CFAP91: variants seen among roughly 807,000 people sequenced by gnomAD.
CFAP91 encodes cilia and flagella associated protein 91, also known as cilia- and flagella-associated protein 91.
Under a neutral mutation model 95.9 loss-of-function variants are expected in CFAP91, and 85 were observed. The observed-to-expected ratio is 0.89, with a 90% confidence interval of 0.74 to 1.06. The LOEUF (loss-of-function observed/expected upper bound fraction) is 1.06, where lower values mean the gene tolerates loss of function less well. Among genes scored for constraint, CFAP91 ranks in the 50% least tolerant of loss-of-function variants. CFAP91 has a pLI of 0.00. For synonymous variants in CFAP91, 335 were observed against 327.5 expected, an observed-to-expected ratio of 1.02 and a Z score of -0.25; for missense variants, 962 against 943.4, an observed-to-expected ratio of 1.02 and a Z score of -0.26.
intron 17 of CFAP91, among the ~76,000 whole-genome samples, chr3:119,759,160 A>G (rs1214166870): frequency 6.6e-6 from 1 of 152,060 alleles, no homozygotes; most frequent in Non-Finnish European, 1.5e-5. Flanking sequence ...AACACATGGA[A>G]GAATCTCACA....
At chr3:119,750,804 A>G in intron 16 of CFAP91, 133 bp from the exon 17 acceptor site, 1 of 916,468 alleles carries the variant, frequency 1.1e-6, no homozygotes, top group Non-Finnish European at 1.7e-6. Flanking sequence ...CAGAGGGAGC[A>G]GAAAGAAATT....
intron 8 of CFAP91, among the ~76,000 whole-genome samples, chr3:119,731,985 A>G (rs1348764894): frequency 6.6e-6 from 1 of 152,244 alleles, no homozygotes; most frequent in Admixed American, 6.5e-5. Flanking sequence ...CATTCATTTA[A>G]CAAACTTTTA....
intron 6 of CFAP91, among the ~76,000 whole-genome samples, chr3:119,720,540 T>G (rs1417812397): frequency 6.6e-6 from 1 of 151,600 alleles, no homozygotes; most frequent in Non-Finnish European, 1.5e-5. Context: ...GAAAAAAAAA[T>G]TCTTTTAAGA....
chr3:119,711,981 A>G (rs1196243074), intron 5 of CFAP91, among the ~76,000 whole-genome samples: 1 of 152,214 alleles, frequency 6.6e-6, no homozygotes, highest in Non-Finnish European at 1.5e-5. Flanking sequence ...GTGCCTGGGC[A>G]GTGGTGGAGG....
intron 10 of CFAP91, among the ~76,000 whole-genome samples, chr3:119,733,781 G>A (rs1404573536): frequency 1.3e-5 from 2 of 151,940 alleles, no homozygotes; most frequent in African/African-American, 4.8e-5. Flanking sequence ...AAAATTTGAC[G>A]CTATACTAAG....
At position 119,747,129 on chromosome 3, in the gene CFAP91, C is replaced by T; in HGVS notation, c.1917C>T (p.His639=). The T allele has an allele frequency of 3.7e-6, 6 of 1,602,734 alleles. No homozygotes were observed. Among genetic ancestry groups the T allele is most frequent in the Non-Finnish European group, 5.1e-6 (6 of 1,175,114 alleles). ...GTTTTTTGCAGGTGGTTAAAGTTCA[C>T]CATAGTACTATAAGCTCCTACCTAG... ...DEIFKEVVKV[H]HSTISSYLED... is the part of the protein sequence containing the mutation. The change falls in exon 15 of 18, where the codon CAC becomes CAT. Residue 639 remains histidine (H), a synonymous_variant. Coordinates refer to ENST00000273390, the MANE Select transcript of CFAP91 (RefSeq NM_033364.4).
At chr3:119,724,646 G>T (rs937503937) in intron 6 of CFAP91, among the ~76,000 whole-genome samples, 3 of 152,084 alleles carry the variant, frequency 2.0e-5, no homozygotes, top group Non-Finnish European at 4.4e-5. Flanking sequence ...CTCACCAAAT[G>T]CATCATTGTG....
At chr3:119,760,958 T>C (rs2054527334) in intron 17 of CFAP91, among the ~76,000 whole-genome samples, 1 of 150,000 alleles carries the variant, frequency 6.7e-6, no homozygotes. Flanking sequence ...ATATTACACC[T>C]CAAAGAACTA....
rs149293074 is a variant in CFAP91, at chr3:119,706,392, T to C, written c.125-417T>C. ...TTTCTAGTGCACCAAATATGGGAGA[T>C]GGTATAAATGTATTGCTTCTTTCAC... On this transcript the variant is annotated intron_variant, in intron 1 of 17. Transcript: ENST00000273390. 21 of 153,774 alleles carry C rather than the reference T, an allele frequency of 1.4e-4. No individual in the cohort carries two copies. In the East Asian group the frequency reaches 2.5e-3, roughly 18 times the overall value. 9.5% of individuals were successfully genotyped at this position (153,774 alleles called of 1,614,324 possible). A position where few individuals can be genotyped will look rare whatever the true frequency, so the allele number is the denominator to read the frequency against.
intron 7 of CFAP91, among the ~76,000 whole-genome samples, chr3:119,728,088 G>A (rs114937357): frequency 7.5e-4 from 114 of 151,988 alleles, no homozygotes; most frequent in African/African-American, 2.6e-3. Context: ...TATCAGATAA[G>A]TGAATGGTAA....
In CFAP91 at chr3:119,736,836, C is replaced by CT. The variant is rs551664979; in HGVS notation, c.1345-520dup. Among the ~76,000 whole-genome samples, 248 of 148,930 alleles carry CT rather than the reference C, an allele frequency of 1.7e-3. 4 individuals are homozygous for CT. The highest frequency in any genetic ancestry group is 0.012 in the Admixed American group (187 of 14,966). The stretch of plus-strand genomic sequence containing the variant: ...ATAACCATGTCTAGTCAGTGGTTAA[C>CT]TTTTTTTTTTGTTTTTTGAGATGAA... On this transcript the variant is annotated intron_variant, in intron 10 of 17. Coordinates refer to ENST00000273390, the MANE Select transcript of CFAP91 (RefSeq NM_033364.4).
At chr3:119,713,628 C>T (rs900591357) in intron 5 of CFAP91, among the ~76,000 whole-genome samples, 1 of 151,042 alleles carries the variant, frequency 6.6e-6, no homozygotes, top group Non-Finnish European at 1.5e-5. Context: ...ATTCTAGAGG[C>T]AATGCATGTA....
At chr3:119,714,085 G>T (rs527444957) in intron 5 of CFAP91, among the ~76,000 whole-genome samples, 4 of 151,978 alleles carry the variant, frequency 2.6e-5, no homozygotes, top group African/African-American at 9.7e-5. Flanking sequence ...TGGAGCAGCC[G>T]GGCGCGGTGG....
chr3:119,722,849 TA>T (rs1300889717), intron 6 of CFAP91, among the ~76,000 whole-genome samples: 1 of 152,050 alleles, frequency 6.6e-6, no homozygotes, highest in African/African-American at 2.4e-5. Flanking sequence ...AATCACTTAA[TA>T]AAAATGTACA....
intron 6 of CFAP91, among the ~76,000 whole-genome samples, chr3:119,725,630 G>A (rs745459089): frequency 2.0e-4 from 31 of 152,020 alleles, no homozygotes; most frequent in Non-Finnish European, 1.2e-4. Flanking sequence ...GGTGGCACAT[G>A]CCAGTAGTCC....
chr3:119,755,416 T>A (rs1449617087), intron 17 of CFAP91, among the ~76,000 whole-genome samples: 1 of 152,170 alleles, frequency 6.6e-6, no homozygotes, highest in Non-Finnish European at 1.5e-5. Flanking sequence ...AGAACCCTCA[T>A]GATGGGGTTA....
At chr3:119,712,279 T>A (rs1465235609) in intron 5 of CFAP91, among the ~76,000 whole-genome samples, 1 of 152,332 alleles carries the variant, frequency 6.6e-6, no homozygotes, top group South Asian at 2.1e-4. Context: ...ATGTATTAAG[T>A]TACTGAAAGA....
chr3:119,707,266 C>T (rs1041694530), intron 2 of CFAP91, 138 bp from the exon 3 acceptor site: 10 of 612,236 alleles, frequency 1.6e-5, no homozygotes, highest in East Asian at 2.7e-5. Context: ...AGATATTTTA[C>T]GCATACAGCA....
At chr3:119,728,013 AATGATG>A (rs373100019) in intron 7 of CFAP91, among the ~76,000 whole-genome samples, 7,713 of 150,530 alleles carry the variant, frequency 0.051, 619 homozygotes, top group African/African-American at 0.18. Context: ...TGATGATGAT[AATGATG>A]ATGATGATGA....
Sources: allele counts gnomAD v4.1 joint callset (sites outside exome capture counted in the v4.1 genomes callset), GRCh38; gene constraint gnomAD v4.1.1; transcripts MANE v1.5; gene names NCBI Gene and HGNC (gene_info 2026-07-23, HGNC 2026-07-21).